Variants in SLC44A1 observed in about 807,000 individuals in gnomAD.
SLC44A1 encodes the protein solute carrier family 44 member 1.
In SLC44A1, 26 loss-of-function variants were observed where a neutral mutation model predicts 79.3. The ratio of observed to expected loss-of-function variants is 0.33; its 90% CI spans 0.24 to 0.46. SLC44A1 has a LOEUF of 0.46. SLC44A1 is among the 20% of genes least tolerant of loss of function. The pLI, the probability that SLC44A1 is intolerant of heterozygous loss-of-function variation, is 1.00. For synonymous variants in SLC44A1, 263 were observed against 286.2 expected (o/e 0.92, Z 0.82); for missense variants, 688 against 798.1 (o/e 0.86, Z 1.66).
Position 105,392,246 on chromosome 9 carries a change from ATAAT to A in SLC44A1, c.*3194_*3197del. On this transcript the variant is annotated 3_prime_UTR_variant, in exon 16 of 16. Transcript: ENST00000374720. Reference sequence around the variant, plus strand: ...TAAAGTTTTTATTTTATCCTATAAGATAATTAAGTCCTAAGTCACTACAACTTAA... The same window carrying A: ...TAAAGTTTTTATTTTATCCTATAAGATAAGTCCTAAGTCACTACAACTTAA... The A allele has an allele frequency of 1.0e-6, 1 of 983,788 alleles. No homozygotes were observed. Among genetic ancestry groups the A allele is most frequent in the African/African-American group, 1.7e-5 (1 of 57,318 alleles). The allele number at this position is 983,788 out of a possible 1,614,324, so 60.9% of individuals were successfully genotyped here. A position where few individuals can be genotyped will look rare whatever the true frequency, so the allele number is the denominator to read the frequency against.
Position 105,389,130 on chromosome 9 carries a change from TGG to T in SLC44A1, c.*76_*77del. On this transcript the variant is annotated 3_prime_UTR_variant, in exon 16 of 16. Transcript: ENST00000374720. ...ACACATAACTATGTATTTGTGTGTG[TGG>T]GTGTGTGTATATATGTATATGTATG... 1 of 1,589,116 alleles carries T rather than the reference TGG, an allele frequency of 6.3e-7. No homozygotes were observed. The highest frequency in any genetic ancestry group is 8.6e-7 in the Non-Finnish European group (1 of 1,160,476).
intron 1 of SLC44A1, among the ~76,000 whole-genome samples, chr9:105,271,811 G>A (rs1335977952): frequency 1.3e-5 from 2 of 151,916 alleles, no homozygotes; most frequent in African/African-American, 2.4e-5. Flanking sequence ...ACGGGGTTTC[G>A]CTATGTTGGC....
At chr9:105,332,699 T>C (rs1826790269) in intron 3 of SLC44A1, among the ~76,000 whole-genome samples, 1 of 152,184 alleles carries the variant, frequency 6.6e-6, no homozygotes, top group Non-Finnish European at 1.5e-5. Flanking sequence ...CCCTTAGTCA[T>C]GAATACTCCT....
intron 1 of SLC44A1, among the ~76,000 whole-genome samples, chr9:105,251,424 A>G (rs1829586083): frequency 6.6e-6 from 1 of 152,028 alleles, no homozygotes; most frequent in Non-Finnish European, 1.5e-5. Context: ...TCTCTCCGTA[A>G]CTGTTCATGC....
At chr9:105,340,404 TG>T (rs1428200038) in intron 4 of SLC44A1, among the ~76,000 whole-genome samples, 1 of 152,162 alleles carries the variant, frequency 6.6e-6, no homozygotes, top group Non-Finnish European at 1.5e-5. Context: ...TATTGTCTAA[TG>T]GGTGAAGAGT....
In SLC44A1 at chr9:105,395,584, T is replaced by C; in HGVS notation, c.*6528T>C. The C allele has an allele frequency of 1.0e-6, 1 of 985,458 alleles. No homozygotes were observed. Among genetic ancestry groups the C allele is most frequent in the Non-Finnish European group, 1.2e-6 (1 of 829,946 alleles). 61.0% of individuals were successfully genotyped at this position (985,458 alleles called of 1,614,324 possible). A position where few individuals can be genotyped will look rare whatever the true frequency, so the allele number is the denominator to read the frequency against. Reference sequence around the variant, plus strand: ...AGACCACTGGTGGAAATTCCCATGTTGGATAGAAAAGGGCGTAAGTCCAGT... The same window carrying C: ...AGACCACTGGTGGAAATTCCCATGTCGGATAGAAAAGGGCGTAAGTCCAGT... On this transcript the variant is annotated 3_prime_UTR_variant, in exon 16 of 16. Transcript: ENST00000374720.
chr9:105,333,168 CAG>C, intron 3 of SLC44A1, among the ~76,000 whole-genome samples: 2 of 152,324 alleles, frequency 1.3e-5, no homozygotes, highest in Non-Finnish European at 2.9e-5. Flanking sequence ...GCCTACAGGA[CAG>C]ACAGTGTATC....
chr9:105,266,629 A>G (rs1829968919), intron 1 of SLC44A1, among the ~76,000 whole-genome samples: 1 of 151,472 alleles, frequency 6.6e-6, no homozygotes, highest in Non-Finnish European at 1.5e-5. Flanking sequence ...GTGTGGATCT[A>G]TTTCAGAACT....
At chr9:105,403,473 C>T (rs926523159) in intron 15 of SLC44A1, among the ~76,000 whole-genome samples, 9 of 151,882 alleles carry the variant, frequency 5.9e-5, no homozygotes, top group South Asian at 4.2e-4. Context: ...ATGAGTTACA[C>T]GACATGGTTC....
chr9:105,289,837 G>A (rs969712155), intron 1 of SLC44A1, among the ~76,000 whole-genome samples: 1 of 147,762 alleles, frequency 6.8e-6, no homozygotes, highest in African/African-American at 2.5e-5. Context: ...TTTTTGAGAT[G>A]GAATTTTGCT....
intron 1 of SLC44A1, 25 bp from the exon 2 acceptor site, chr9:105,299,193 ACT>A (rs768022275): frequency 1.7e-5 from 26 of 1,528,260 alleles, no homozygotes; most frequent in Non-Finnish European, 2.2e-5. Context: ...AGCATTTAAC[ACT>A]CTCTTATTTT....
In SLC44A1 at chr9:105,385,417, T is replaced by C; in HGVS notation, c.1870-5T>C. 1 of 1,573,334 alleles carries C rather than the reference T, an allele frequency of 6.4e-7. No homozygotes were observed. The highest frequency in any genetic ancestry group is 8.6e-7 in the Non-Finnish European group (1 of 1,156,550). On this transcript the variant is annotated splice_region_variant and splice_polypyrimidine_tract_variant and intron_variant, in intron 14 of 15. Coordinates refer to ENST00000374720, the MANE Select transcript of SLC44A1 (RefSeq NM_080546.5). ...AATTTATTCAATATGGTCCATATTT[T>C]GCAGGAGTTTGTGGAAAACAGTAGG...
Position 105,365,626 on chromosome 9 carries a change from A to G in SLC44A1, c.1397A>G (p.Gln466Arg), listed in dbSNP as rs1464948444. ...ATGATCCTTATGTATATTCACAGTCAGCTCAAAGGAAAGGTAAGGGGAAAA... is the reference window on the plus strand; with the variant it reads ...ATGATCCTTATGTATATTCACAGTCGGCTCAAAGGAAAGGTAAGGGGAAAA... ...PRMILMYIHS[Q>R]LKGKENACAR... The change falls in exon 11 of 16, where the codon CAG (glutamine) becomes CGG (arginine). Residue 466 changes from glutamine (Q) to arginine (R), a missense_variant. Transcript: ENST00000374720. 1 of 1,613,586 alleles carries G rather than the reference A, an allele frequency of 6.2e-7. No individual in the cohort carries two copies. The highest frequency in any genetic ancestry group is 8.5e-7 in the Non-Finnish European group (1 of 1,179,704).
At chr9:105,373,494 A>G (rs2131439738) in intron 12 of SLC44A1, among the ~76,000 whole-genome samples, 1 of 152,338 alleles carries the variant, frequency 6.6e-6, no homozygotes, top group South Asian at 2.1e-4. Context: ...TTGAATGAAA[A>G]CGTGTCAGCT....
rs541994240 is a variant in SLC44A1, at chr9:105,335,506, A to G, written c.270-57A>G. 41 of 1,399,564 alleles carry G rather than the reference A, an allele frequency of 2.9e-5. No homozygotes were observed. In the East Asian group the frequency reaches 9.3e-4, roughly 32 times the overall value. The allele number at this position is 1,399,564 out of a possible 1,614,324, so 86.7% of individuals were successfully genotyped here. A position where few individuals can be genotyped will look rare whatever the true frequency, so the allele number is the denominator to read the frequency against. On this transcript the variant is annotated intron_variant, in intron 3 of 15. Transcript: ENST00000374720. Reference sequence around the variant, plus strand: ...TTGCTCTAGGCTTAGTCAAATATGCAGGGACCCACAATGTGTTTTGTGAAG... The same window carrying G: ...TTGCTCTAGGCTTAGTCAAATATGCGGGGACCCACAATGTGTTTTGTGAAG...
chr9:105,385,619 G>A (rs1828608431), intron 15 of SLC44A1, 117 bp downstream of exon 15: 1 of 1,477,418 alleles, frequency 6.8e-7, no homozygotes, highest in African/African-American at 1.4e-5. Flanking sequence ...GTATCACGCA[G>A]GACATGCTGC....
At chr9:105,420,130 A>G (rs1315808044) in intron 15 of SLC44A1, among the ~76,000 whole-genome samples, 1 of 152,074 alleles carries the variant, frequency 6.6e-6, no homozygotes, top group African/African-American at 2.4e-5. Flanking sequence ...ATTCAGAACA[A>G]ATGCATGGTC....
chr9:105,351,558 G>GAGAAAGAGAGAAAGAGAGAA (rs1564452495), intron 5 of SLC44A1, among the ~76,000 whole-genome samples: 1 of 111,986 alleles, frequency 8.9e-6, no homozygotes. Flanking sequence ...GAAAGAAAGA[G>GAGAAAGAGAGAAAGAGAGAA]AGAAAGAGAG....
chr9:105,342,313 TG>T (rs551978760), intron 4 of SLC44A1, among the ~76,000 whole-genome samples: 22 of 152,324 alleles, frequency 1.4e-4, no homozygotes, highest in African/African-American at 5.1e-4. Context: ...ATCATCCCTT[TG>T]TCCAGCATAT....
Sources: allele counts gnomAD v4.1 joint callset (sites outside exome capture counted in the v4.1 genomes callset), GRCh38; gene constraint gnomAD v4.1.1; transcripts MANE v1.5; gene names NCBI Gene and HGNC (gene_info 2026-07-23, HGNC 2026-07-21).